The following ATXN1 variants were observed in gnomAD, a reference collection of about 807,000 sequenced individuals.
ATXN1 encodes the protein ataxin-1.
ATXN1 carries 8 observed loss-of-function variants against 56.4 expected under a neutral mutation model. The observed-to-expected ratio is 0.14, with a 90% CI of 0.08 to 0.26. The LOEUF is 0.26. ATXN1 is among the 10% of genes least tolerant of loss of function. The pLI, the probability that ATXN1 is intolerant of heterozygous loss-of-function variation, is 1.00. For missense variants in ATXN1, 987 were observed against 1,106.5 expected (o/e 0.89, Z 1.53); for synonymous variants, 514 against 494.6 (o/e 1.04, Z -0.52).
In ATXN1 at chr6:16,410,728, A is replaced by G. The variant is rs1051081780; in HGVS notation, c.-161+75244T>C. Among the ~76,000 whole-genome samples the G allele has an allele frequency of 6.6e-6, 1 of 152,262 alleles. No homozygotes were observed. The highest frequency in any genetic ancestry group is 2.4e-5 in the African/African-American group (1 of 41,472). On this transcript the variant is annotated intron_variant, in intron 6 of 7. Transcript: ENST00000436367. The surrounding 1 kb of genome is among the most constrained non-coding windows in gnomAD (Gnocchi z 4.6). ...AAGCTTGTCAGAATTACATCTATTC[A>G]GGTCATATACAACATCCGTGGAGCA...
At chr6:16,432,574 G>A (rs1759307714) in intron 6 of ATXN1, 1 of 152,236 alleles carries the variant, frequency 6.6e-6, no homozygotes, top group Non-Finnish European at 1.5e-5. Flanking sequence ...GATCAAACAT[G>A]TAGATATATT....
At chr6:16,730,091 T>C (rs1759934615) in intron 2 of ATXN1, among the ~76,000 whole-genome samples, 1 of 152,216 alleles carries the variant, frequency 6.6e-6, no homozygotes, top group Non-Finnish European at 1.5e-5. Context: ...AAGACCAGCC[T>C]GACCAACACG....
intron 6 of ATXN1, among the ~76,000 whole-genome samples, chr6:16,348,657 T>G (rs903568424): frequency 6.6e-6 from 1 of 151,882 alleles, no homozygotes; most frequent in East Asian, 1.9e-4. Context: ...ATTGTACCAT[T>G]GCACTCTAGC....
chr6:16,546,427 T>C (rs1236649334), intron 4 of ATXN1, among the ~76,000 whole-genome samples: 1 of 152,276 alleles, frequency 6.6e-6, no homozygotes, highest in East Asian at 1.9e-4. Context: ...GGGCCAGGTG[T>C]GCTCTCCTTC....
At chr6:16,417,809 T>C (rs1210439692) in intron 6 of ATXN1, among the ~76,000 whole-genome samples, 1 of 152,040 alleles carries the variant, frequency 6.6e-6, no homozygotes, top group Admixed American at 6.6e-5. Context: ...AGACAACTGA[T>C]GCCATTCATG....
At chr6:16,525,065 C>A (rs544030833) in intron 4 of ATXN1, among the ~76,000 whole-genome samples, 12 of 152,208 alleles carry the variant, frequency 7.9e-5, no homozygotes, top group African/African-American at 1.9e-4. Flanking sequence ...ACAACAACAA[C>A]AAAAATTACC....
intron 4 of ATXN1, among the ~76,000 whole-genome samples, chr6:16,565,531 A>C (rs1172260808): frequency 2.6e-5 from 4 of 152,232 alleles, no homozygotes; most frequent in Non-Finnish European, 5.9e-5. Context: ...AAAAAATCAG[A>C]ATGACAATTT....
At chr6:16,704,759 T>TA (rs1344186437) in intron 2 of ATXN1, among the ~76,000 whole-genome samples, 2 of 152,204 alleles carry the variant, frequency 1.3e-5, no homozygotes, top group Non-Finnish European at 2.9e-5. Flanking sequence ...ACTGTCTCCC[T>TA]ACCTCAGAGC....
chr6:16,598,038 G>A (rs1439939228), intron 3 of ATXN1, among the ~76,000 whole-genome samples: 2 of 152,134 alleles, frequency 1.3e-5, no homozygotes, highest in Admixed American at 6.5e-5. Flanking sequence ...GTGAGGTGAT[G>A]AATATATTAA....
intron 2 of ATXN1, among the ~76,000 whole-genome samples, chr6:16,685,217 A>G (rs192687902): frequency 2.6e-4 from 40 of 152,340 alleles, no homozygotes; most frequent in Admixed American, 6.5e-4. Flanking sequence ...TGCCATTTGT[A>G]TATTAGCTTG....
intron 6 of ATXN1, among the ~76,000 whole-genome samples, chr6:16,429,755 A>G (rs766237178): frequency 1.6e-4 from 25 of 152,256 alleles, no homozygotes; most frequent in Admixed American, 5.9e-4. Flanking sequence ...CTGTGTTTCT[A>G]TGAGTTTTAG....
intron 5 of ATXN1, among the ~76,000 whole-genome samples, chr6:16,522,222 T>C (rs1761307270): frequency 1.3e-5 from 2 of 152,128 alleles, no homozygotes; most frequent in Admixed American, 1.3e-4. Context: ...TCTCATCTGG[T>C]GCTCATATCC....
At chr6:16,671,814 A>G (rs1223232232) in intron 2 of ATXN1, among the ~76,000 whole-genome samples, 1 of 152,252 alleles carries the variant, frequency 6.6e-6, no homozygotes, top group Non-Finnish European at 1.5e-5. Context: ...TGAATACGTC[A>G]AAACACAAAT....
intron 3 of ATXN1, chr6:16,615,259 T>G (rs1412185503): frequency 6.7e-6 from 1 of 150,092 alleles, no homozygotes. Context: ...TATGTCAGCT[T>G]GCCCATTTGT....
At chr6:16,527,263 G>A (rs1436570615) in intron 4 of ATXN1, among the ~76,000 whole-genome samples, 1 of 152,054 alleles carries the variant, frequency 6.6e-6, no homozygotes, top group Admixed American at 6.5e-5. Context: ...TTGAGGGGAG[G>A]CTGGGGAAGT....
chr6:16,691,246 G>C (rs1272583078), intron 2 of ATXN1, among the ~76,000 whole-genome samples: 9 of 152,186 alleles, frequency 5.9e-5, no homozygotes, highest in Admixed American at 5.9e-4. Context: ...AGCTCCCTGA[G>C]GGGAGGAGCT....
At chr6:16,387,122 G>A (rs1758257742) in intron 6 of ATXN1, among the ~76,000 whole-genome samples, 1 of 152,318 alleles carries the variant, frequency 6.6e-6, no homozygotes, top group African/African-American at 2.4e-5. Context: ...TCTGGCACAA[G>A]GGATCAAGCA....
intron 2 of ATXN1, among the ~76,000 whole-genome samples, chr6:16,721,889 A>C (rs1759752750): frequency 6.6e-6 from 1 of 152,178 alleles, no homozygotes; most frequent in Non-Finnish European, 1.5e-5. Context: ...ATTGAAAGCT[A>C]CAATCCTCTC....
intron 2 of ATXN1, among the ~76,000 whole-genome samples, chr6:16,675,595 T>C (rs1258216274): frequency 6.6e-6 from 1 of 152,072 alleles, no homozygotes; most frequent in Non-Finnish European, 1.5e-5. Flanking sequence ...TATTTAAAAT[T>C]GGAGGCCAGG....
Sources: allele counts gnomAD v4.1 joint callset (sites outside exome capture counted in the v4.1 genomes callset), GRCh38; gene constraint gnomAD v4.1.1; non-coding constraint Gnocchi (gnomAD v3.1); transcripts MANE v1.5; gene names NCBI Gene and HGNC (gene_info 2026-07-23, HGNC 2026-07-21).